UBP1: variants seen among roughly 807,000 people sequenced by gnomAD.
UBP1 encodes the protein upstream binding protein 1, also known as upstream-binding protein 1.
Under a neutral mutation model 76.1 loss-of-function variants are expected in UBP1, and 22 were observed. The ratio of observed to expected loss-of-function variants is 0.29; its 90% CI spans 0.21 to 0.41. The LOEUF (loss-of-function observed/expected upper bound fraction) is 0.41. Ranked by LOEUF, UBP1 falls within the 10% of genes least tolerant of loss-of-function variation. The pLI, the probability that UBP1 is intolerant of heterozygous loss-of-function variation, is 1.00. For synonymous variants in UBP1, 224 were observed against 237.1 expected (o/e 0.94, Z 0.51); for missense variants, 436 against 668.1 (o/e 0.65, Z 3.83).
intron 4 of UBP1, among the ~76,000 whole-genome samples, chr3:33,412,374 C>CATAT (rs932400765): frequency 1.3e-5 from 2 of 151,662 alleles, no homozygotes; most frequent in African/African-American, 4.8e-5. Context: ...TACATACATA[C>CATAT]ATATATATGT....
chr3:33,400,860 G>T, intron 10 of UBP1, 102 bp downstream of exon 10: 1 of 1,123,954 alleles, frequency 8.9e-7, no homozygotes, highest in African/African-American at 1.6e-5. Context: ...TACCATACAT[G>T]TAACAAAACT....
chr3:33,414,621 T>A (rs1056061120), intron 3 of UBP1, among the ~76,000 whole-genome samples: 4 of 152,134 alleles, frequency 2.6e-5, no homozygotes, highest in Non-Finnish European at 5.9e-5. Flanking sequence ...ATTTGAAGCA[T>A]ATTTTAGGGA....
intron 11 of UBP1, among the ~76,000 whole-genome samples, chr3:33,399,830 G>A (rs1210790485): frequency 1.3e-5 from 2 of 151,746 alleles, no homozygotes; most frequent in African/African-American, 4.9e-5. Context: ...ACGGAGTGAA[G>A]AGTACACCGA....
chr3:33,426,061 A>G (rs1438449433), intron 1 of UBP1, among the ~76,000 whole-genome samples: 1 of 136,412 alleles, frequency 7.3e-6, no homozygotes, highest in Admixed American at 7.5e-5. Context: ...ACTTCTTTTA[A>G]AACTTTAAGG....
chr3:33,406,772 C>A (rs1324366765), intron 8 of UBP1, among the ~76,000 whole-genome samples: 1 of 152,182 alleles, frequency 6.6e-6, no homozygotes, highest in Non-Finnish European at 1.5e-5. Flanking sequence ...TGAACACAGT[C>A]CCTCCCCAGG....
intron 12 of UBP1, chr3:33,396,717 T>C (rs1185483135): frequency 1.9e-6 from 1 of 528,256 alleles, no homozygotes; most frequent in East Asian, 4.8e-5. Context: ...GTCATGACCT[T>C]GAAAACCATA....
intron 13 of UBP1, among the ~76,000 whole-genome samples, chr3:33,395,385 A>G (rs1243752764): frequency 1.3e-5 from 2 of 152,160 alleles, no homozygotes; most frequent in African/African-American, 4.8e-5. Flanking sequence ...AGAGTATGGA[A>G]AGAAGGAAAT....
At chr3:33,427,677 T>C (rs571846807) in intron 1 of UBP1, among the ~76,000 whole-genome samples, 2 of 152,294 alleles carry the variant, frequency 1.3e-5, no homozygotes, top group Admixed American at 6.5e-5. Flanking sequence ...GCATTTCTAT[T>C]AAAGCACTGT....
chr3:33,412,186 C>CAAAAAAAAAAAAAAAAAAAA (rs1227146812), intron 4 of UBP1, among the ~76,000 whole-genome samples: 1 of 63,456 alleles, frequency 1.6e-5, no homozygotes, highest in Non-Finnish European at 3.2e-5. Flanking sequence ...AACTCCGTCT[C>CAAAAAAAAAAAAAAAAAAAA]AAAAAAAAAA....
Position 33,390,371 on chromosome 3 carries a change from G to A in UBP1, c.1586-3C>T. On this transcript the variant is annotated splice_polypyrimidine_tract_variant and splice_region_variant and intron_variant, in intron 15 of 15. Coordinates refer to ENST00000283629, the MANE Select transcript of UBP1 (RefSeq NM_014517.5). ...GTGGATGCCATCACTACTTTCAGCT[G>A]CAGAAAAAGGAAAGACAGTATTTCT... 6.2e-7 allele frequency: 1 copy of A among 1,613,920 alleles called. No individual in the cohort carries two copies. The highest frequency in any genetic ancestry group is 8.5e-7 in the Non-Finnish European group (1 of 1,179,948).
intron 1 of UBP1, among the ~76,000 whole-genome samples, chr3:33,433,365 TAAAAAAAAAA>T (rs1170395728): frequency 3.5e-5 from 4 of 113,074 alleles, no homozygotes; most frequent in Admixed American, 8.9e-5. Context: ...ACCCAGCCTT[TAAAAAAAAAA>T]AAAAAAAAAA....
In UBP1 at chr3:33,401,099, G is replaced by T. The variant is rs796664220; in HGVS notation, c.1032-83C>A. 2.6e-5 allele frequency: 34 copies of T among 1,318,858 alleles called. No individual in the cohort carries two copies. In the African/African-American group the frequency reaches 4.6e-4, roughly 18 times the overall value. The allele number at this position is 1,318,858 out of a possible 1,614,324, so 81.7% of individuals were successfully genotyped here. A position where few individuals can be genotyped will look rare whatever the true frequency, so the allele number is the denominator to read the frequency against. On this transcript the variant is annotated intron_variant, in intron 9 of 15. Coordinates refer to ENST00000283629, the MANE Select transcript of UBP1 (RefSeq NM_014517.5). ...TCAAGGCATTAAAAGCTGTTGCATT[G>T]TAACTATGCAAATTTCAAGTAAGGC... is the stretch of plus-strand genomic sequence containing the variant.
chr3:33,428,841 C>T (rs1381459130), intron 1 of UBP1, among the ~76,000 whole-genome samples: 1 of 150,716 alleles, frequency 6.6e-6, no homozygotes, highest in African/African-American at 2.5e-5. Context: ...ACGCAACCTG[C>T]TCTTCAACCC....
At chr3:33,402,954 G>T in intron 8 of UBP1, 50 bp from the exon 9 acceptor site, 1 of 1,466,366 alleles carries the variant, frequency 6.8e-7, no homozygotes. Flanking sequence ...AAAATATGTG[G>T]AAGAAATATT....
In UBP1 at chr3:33,416,744, T is replaced by G; in HGVS notation, c.342+14A>C. On this transcript the variant is annotated intron_variant, in intron 3 of 15. Transcript: ENST00000283629. ...CAGCAATATCCATTGGGAATTAAAA[T>G]GGACTGTCCTTACCTTTACTAATTT... 1 of 1,592,240 alleles carries G rather than the reference T, an allele frequency of 6.3e-7. No individual in the cohort carries two copies. The highest frequency in any genetic ancestry group is 8.6e-7 in the Non-Finnish European group (1 of 1,166,840).
At chr3:33,437,259 G>A (rs2045218673) in intron 1 of UBP1, among the ~76,000 whole-genome samples, 1 of 147,908 alleles carries the variant, frequency 6.8e-6, no homozygotes, top group Non-Finnish European at 1.5e-5. Flanking sequence ...AGGGGTGGGG[G>A]GAAACAACAA....
chr3:33,410,458 C>T (rs762161975), intron 5 of UBP1, among the ~76,000 whole-genome samples: 66 of 152,182 alleles, frequency 4.3e-4, no homozygotes, highest in African/African-American at 1.9e-4. Context: ...CAATATTCAA[C>T]GGATATAAAC....
At chr3:33,427,467 A>G (rs759065235) in intron 1 of UBP1, among the ~76,000 whole-genome samples, 3 of 152,262 alleles carry the variant, frequency 2.0e-5, no homozygotes, top group Non-Finnish European at 4.4e-5. Context: ...CATCAAATGA[A>G]TAACTACTGT....
At chr3:33,400,906 A>C in intron 10 of UBP1, 56 bp downstream of exon 10, 1 of 1,546,040 alleles carries the variant, frequency 6.5e-7, no homozygotes, top group Non-Finnish European at 8.7e-7. Flanking sequence ...AAAAACCAAA[A>C]CTTTAAAATG....
Sources: allele counts gnomAD v4.1 joint callset (sites outside exome capture counted in the v4.1 genomes callset), GRCh38; gene constraint gnomAD v4.1.1; transcripts MANE v1.5; gene names NCBI Gene and HGNC (gene_info 2026-07-23, HGNC 2026-07-21).